The following KCNMB1 variants were observed in gnomAD, a reference collection of about 807,000 sequenced individuals.
The protein encoded by KCNMB1 is calcium-activated potassium channel subunit beta-1.
A neutral mutation model predicts 21.7 loss-of-function variants in KCNMB1; 22 were observed. That is an observed-to-expected ratio of 1.01 (90% CI 0.72 to 1.45). KCNMB1 has a LOEUF of 1.45. Ranked by LOEUF, KCNMB1 falls within the 40% of genes most tolerant of loss-of-function variation. The pLI is 0.00. For missense variants in KCNMB1, 243 were observed against 243.4 expected (o/e 1.00, Z 0.01); for synonymous variants, 114 against 107.6 (o/e 1.06, Z -0.37).
At chr5:170,385,194 T>C in intron 2 of KCNMB1, 120 bp downstream of exon 2, 1 of 1,112,442 alleles carries the variant, frequency 9.0e-7, no homozygotes, top group Non-Finnish European at 1.3e-6. Context: ...GAGCATCGTC[T>C]TGACCCTGCT....
chr5:170,386,700 T>G (rs1474863898), intron 1 of KCNMB1, among the ~76,000 whole-genome samples: 7 of 150,962 alleles, frequency 4.6e-5, no homozygotes, highest in Non-Finnish European at 8.9e-5. Flanking sequence ...TTTTTTTTTG[T>G]AAGGAACATT....
chr5:170,378,945 T>G lies in KCNMB1; in HGVS notation c.335A>C (p.Asn112Thr). Residue 112 changes from asparagine to threonine, a missense_variant, in exon 4 of 4, where the codon AAT (asparagine) becomes ACT (threonine). Physicochemically the swap from Asn to Thr is moderately conservative, Grantham distance 65. Transcript: ENST00000274629. ...CACGTCGGCCCGGGCCGTCTGGTAATTGTCCACGCTGCCTGGGATGTAGGA... is the reference window on the plus strand; with the variant it reads ...CACGTCGGCCCGGGCCGTCTGGTAAGTGTCCACGCTGCCTGGGATGTAGGA... ...QCSYIPGSVDNYQTARADVEK... is the reference protein window; with the variant it reads ...QCSYIPGSVDTYQTARADVEK... 16 of 1,614,108 alleles carry G rather than the reference T, an allele frequency of 9.9e-6. No homozygotes were observed. The highest frequency in any genetic ancestry group is 1.4e-5 in the Non-Finnish European group (16 of 1,179,948).
chr5:170,379,662 T>C (rs1764160065), intron 3 of KCNMB1, among the ~76,000 whole-genome samples: 1 of 152,128 alleles, frequency 6.6e-6, no homozygotes, highest in Admixed American at 6.5e-5. Context: ...TCCAACACTT[T>C]AAGAGAAGTT....
rs766126470 is a variant in KCNMB1, at chr5:170,377,045, C to T, written c.*1659G>A. 1.3e-5 allele frequency: 2 copies of T among 152,132 alleles called. No homozygotes were observed. The highest frequency in any genetic ancestry group is 1.3e-4 in the Admixed American group (2 of 15,280). The allele number at this position is 152,132 out of a possible 1,614,324, so 9.4% of individuals were successfully genotyped here. The stretch of plus-strand genomic sequence containing the variant: ...GAGATGAAATCGGGCAGAGTAGAGA[C>T]AGGATTCAAACCCAAGATCTGCATC... On this transcript the variant is annotated 3_prime_UTR_variant, in exon 4 of 4. Transcript: ENST00000274629.
intron 2 of KCNMB1, 113 bp from the exon 3 acceptor site, chr5:170,383,963 T>TC: frequency 9.8e-7 from 1 of 1,025,172 alleles, no homozygotes. Flanking sequence ...AGGACTGGGA[T>TC]CCTCATCTTG....
intron 3 of KCNMB1, among the ~76,000 whole-genome samples, chr5:170,381,878 G>A (rs892608315): frequency 1.3e-5 from 2 of 152,202 alleles, no homozygotes; most frequent in Non-Finnish European, 2.9e-5. Flanking sequence ...GTCATGGGTA[G>A]GAGCTGCCTC....
At position 170,381,028 on chromosome 5, in the gene KCNMB1, T is replaced by G. The variant is rs995007378; in HGVS notation, c.307-2055A>C. ...ATATGTTTTGACTTATCTATGAAATTGCAACAACAGCTCCTTCTTTACCTT... is the reference window on the plus strand; with the variant it reads ...ATATGTTTTGACTTATCTATGAAATGGCAACAACAGCTCCTTCTTTACCTT... On this transcript the variant is annotated intron_variant, in intron 3 of 3. Transcript: ENST00000274629. Among the ~76,000 whole-genome samples the G allele has an allele frequency of 1.2e-4, 18 of 152,356 alleles. 1 individual carries two copies. The highest frequency in any genetic ancestry group is 3.4e-4 in the African/African-American group (14 of 41,574).
chr5:170,382,929 A>G (rs1764303012), intron 3 of KCNMB1: 2 of 147,992 alleles, frequency 1.4e-5, no homozygotes, highest in South Asian at 4.5e-4. Context: ...TGAGAGGAGG[A>G]AAGAAGGAAA....
intron 3 of KCNMB1, among the ~76,000 whole-genome samples, chr5:170,381,105 T>C (rs1764220969): frequency 6.6e-6 from 1 of 152,232 alleles, no homozygotes; most frequent in Non-Finnish European, 1.5e-5. Context: ...CTGTCCATCC[T>C]GGGCCTAGTG....
chr5:170,378,754 C>T lies in KCNMB1; in HGVS notation c.526G>A (p.Ala176Thr), dbSNP rs773550380. The change falls in exon 4 of 4, where the codon GCC (alanine) becomes ACC (threonine). Residue 176 changes from alanine (A) to threonine (T), a missense_variant. Ala to Thr is a moderately conservative substitution (Grantham distance 58). Transcript: ENST00000274629. ...AGGTACTGGTTGCTCTTCACCATGG[C>T]GATAATGAGGAGGCCACCGGTCAGC... ...FLLTGGLLII[A>T]MVKSNQYLSI... The T allele has an allele frequency of 5.6e-6, 9 of 1,613,816 alleles. No homozygotes were observed. Among genetic ancestry groups the T allele is most frequent in the South Asian group, 2.2e-5 (2 of 91,066 alleles).
Position 170,374,859 on chromosome 5 carries a change from T to C in KCNMB1, c.*3845A>G, listed in dbSNP as rs934137424. 2.6e-5 allele frequency: 4 copies of C among 152,180 alleles called. No homozygotes were observed. The East Asian group carries it at 7.7e-4, about 29-fold the overall frequency. The allele number at this position is 152,180 out of a possible 1,614,324, so 9.4% of individuals were successfully genotyped here. On this transcript the variant is annotated 3_prime_UTR_variant, in exon 4 of 4. Coordinates refer to ENST00000274629, the MANE Select transcript of KCNMB1 (RefSeq NM_004137.4). ...TGGCATTTGCTAGAAGGCCAGTCTTTATTGACAGGAGGAGAACATCTATCT... is the reference window on the plus strand; with the variant it reads ...TGGCATTTGCTAGAAGGCCAGTCTTCATTGACAGGAGGAGAACATCTATCT...
chr5:170,383,001 A>G (rs1764308890), intron 3 of KCNMB1: 1 of 152,272 alleles, frequency 6.6e-6, no homozygotes, highest in Non-Finnish European at 1.5e-5. Context: ...GGGAGGGGAA[A>G]AAAAAGAAAA....
At chr5:170,379,007 G>A in intron 3 of KCNMB1, 34 bp from the exon 4 acceptor site, 1 of 1,601,644 alleles carries the variant, frequency 6.2e-7, no homozygotes, top group Non-Finnish European at 8.5e-7. Flanking sequence ...TGTGGGCTTG[G>A]AAATCCCCAT....
At chr5:170,381,399 C>A (rs1176007740) in intron 3 of KCNMB1, among the ~76,000 whole-genome samples, 7 of 152,246 alleles carry the variant, frequency 4.6e-5, no homozygotes, top group Admixed American at 1.3e-4. Flanking sequence ...TGAGGGCAGA[C>A]TATGGCCCCT....
intron 2 of KCNMB1, among the ~76,000 whole-genome samples, chr5:170,384,385 C>T (rs1005311517): frequency 6.6e-6 from 1 of 152,158 alleles, no homozygotes; most frequent in African/African-American, 2.4e-5. Context: ...CTAAAAGGAG[C>T]AGATGTAGAA....
intron 1 of KCNMB1, among the ~76,000 whole-genome samples, chr5:170,388,406 A>T (rs545338389): frequency 6.6e-6 from 1 of 152,206 alleles, no homozygotes; most frequent in African/African-American, 2.4e-5. Flanking sequence ...ACAGAAAGAA[A>T]AGGAAGAAGT....
At chr5:170,386,789 G>C (rs771293556) in intron 1 of KCNMB1, among the ~76,000 whole-genome samples, 38 of 151,922 alleles carry the variant, frequency 2.5e-4, no homozygotes, top group Non-Finnish European at 5.3e-4. Flanking sequence ...AGGGCTTGAA[G>C]CCACCTGGGA....
intron 2 of KCNMB1, among the ~76,000 whole-genome samples, chr5:170,384,467 G>A (rs543702396): frequency 6.6e-6 from 1 of 152,340 alleles, no homozygotes; most frequent in East Asian, 1.9e-4. Context: ...CAGATTAAGA[G>A]TCCAGCCTGG....
Position 170,378,809 on chromosome 5 carries a change from G to T in KCNMB1, c.471C>A (p.Leu157=), listed in dbSNP as rs569994679. 6.2e-7 allele frequency: 1 copy of T among 1,614,248 alleles called. No individual in the cohort carries two copies. Among genetic ancestry groups the T allele is most frequent in the Non-Finnish European group, 8.5e-7 (1 of 1,180,044 alleles). Residue 157 remains leucine (L), a synonymous_variant, in exon 4 of 4, where the codon CTC becomes CTA. Transcript: ENST00000274629. ...LFQRLYGPQA[L]LFSLFWPTFL... ...AGGTGGGCCAGAAGAGGGAGAAGAG[G>T]AGGGCCTGGGGCCCGTAGAGGCGCT...
Sources: allele counts gnomAD v4.1 joint callset (sites outside exome capture counted in the v4.1 genomes callset), GRCh38; gene constraint gnomAD v4.1.1; transcripts MANE v1.5; gene names NCBI Gene and HGNC (gene_info 2026-07-23, HGNC 2026-07-21).